The following GYG2 variants were observed in gnomAD, a reference collection of about 807,000 sequenced individuals.
The protein encoded by GYG2 is glycogenin-2.
GYG2 carries 29 observed loss-of-function variants against 29.4 expected under a neutral mutation model. The ratio of observed to expected loss-of-function variants is 0.99; its 90% confidence interval spans 0.74 to 1.35. The LOEUF (loss-of-function observed/expected upper bound fraction) is 1.35, where lower values mean the gene tolerates loss of function less well. Among genes scored for constraint, GYG2 ranks in the 40% most tolerant of loss-of-function variants. The pLI, the probability that GYG2 is intolerant of heterozygous loss-of-function variation, is 0.00. For missense variants in GYG2, 370 were observed against 385.7 expected (o/e 0.96, Z 0.34); for synonymous variants, 167 against 172.3 (o/e 0.97, Z 0.24).
chrX:2,879,426 C>T (rs1172140514), intron 10 of GYG2, among the ~76,000 whole-genome samples: 2 of 110,452 alleles, frequency 1.8e-5, no homozygotes, highest in African/African-American at 3.3e-5. Context: ...CACGACCAAG[C>T]CCGGCTAATT....
intron 3 of GYG2, among the ~76,000 whole-genome samples, chrX:2,847,622 T>C (rs908896706): frequency 9.3e-5 from 10 of 107,348 alleles, no homozygotes; most frequent in African/African-American, 2.7e-4. Context: ...GGAGAATCAC[T>C]TGAGCTCGGG....
At chrX:2,839,714 T>C (rs1357049529) in intron 2 of GYG2, among the ~76,000 whole-genome samples, 1 of 111,596 alleles carries the variant, frequency 9.0e-6, no homozygotes, top group Non-Finnish European at 1.9e-5. Flanking sequence ...TGTGCAACAT[T>C]GTGATGAATT....
chrX:2,860,996 C>T (rs2088150476), intron 7 of GYG2, among the ~76,000 whole-genome samples: 1 of 109,177 alleles, frequency 9.2e-6, no homozygotes, highest in East Asian at 2.9e-4. Context: ...TCCCAAAGTG[C>T]TGGGATTACA....
At chrX:2,851,865 G>A (rs773115402) in intron 3 of GYG2, among the ~76,000 whole-genome samples, 40 of 112,243 alleles carry the variant, frequency 3.6e-4, no homozygotes, top group African/African-American at 1.2e-3. Flanking sequence ...TTGCCTAATC[G>A]TGGTTTTCTA....
At chrX:2,880,439 T>C (rs12388511) in intron 10 of GYG2, among the ~76,000 whole-genome samples, 27,019 of 103,644 alleles carry the variant, frequency 0.26, 2,450 homozygotes, top group Non-Finnish European at 0.29. Context: ...TGTGTGTGTG[T>C]GCACATGCGC....
chrX:2,845,836 TA>T (rs979614975), intron 3 of GYG2, among the ~76,000 whole-genome samples: 1 of 102,130 alleles, frequency 9.8e-6, no homozygotes, highest in African/African-American at 3.5e-5. Context: ...TATATACATA[TA>T]AAATATATAT....
chrX:2,847,076 T>A (rs2087752447), intron 3 of GYG2, among the ~76,000 whole-genome samples: 1 of 112,081 alleles, frequency 8.9e-6, no homozygotes. Flanking sequence ...TCATGATGAA[T>A]TAATTTCCCT....
At chrX:2,866,842 AAAAG>A (rs2088308996) in intron 8 of GYG2, among the ~76,000 whole-genome samples, 1 of 110,831 alleles carries the variant, frequency 9.0e-6, no homozygotes, top group Admixed American at 9.6e-5. Flanking sequence ...TTTTTTAAAA[AAAAG>A]TATGTTCAAC....
Position 2,843,120 on chromosome X carries a change from T to G in GYG2, c.8-93T>G, listed in dbSNP as rs779424473. On this transcript the variant is annotated intron_variant, in intron 2 of 10. Transcript: ENST00000398806. Reference sequence around the variant, plus strand: ...GAACCATCACGTCTGGCCCAAGCCATGAATCTTGGGAGAGGAGAGGAGGTG... The same window carrying G: ...GAACCATCACGTCTGGCCCAAGCCAGGAATCTTGGGAGAGGAGAGGAGGTG... The G allele has an allele frequency of 9.2e-6, 7 of 757,576 alleles. No individual in the cohort carries two copies. In the African/African-American group the frequency reaches 1.0e-4, roughly 11 times the overall value. The allele number at this position is 757,576 out of a possible 1,213,427, so 62.4% of individuals were successfully genotyped here. A position where few individuals can be genotyped will look rare whatever the true frequency, so the allele number is the denominator to read the frequency against.
Position 2,877,207 on chromosome X carries a change from C to A in GYG2, c.1151C>A (p.Ala384Glu). 8.3e-7 allele frequency: 1 copy of A among 1,207,139 alleles called. No individual in the cohort carries two copies. The highest frequency in any genetic ancestry group is 1.1e-6 in the Non-Finnish European group (1 of 891,725). The change falls in exon 10 of 11, where the codon GCA becomes GAA. Residue 384 changes from alanine to glutamate, a missense_variant. By Grantham distance (107) the Ala-to-Glu change is moderately radical. Coordinates refer to ENST00000398806, the MANE Select transcript of GYG2 (RefSeq NM_001079855.2). ...FTETETILQPANKVESVSSEE... is the reference protein window; with the variant it reads ...FTETETILQPENKVESVSSEE... The stretch of plus-strand genomic sequence containing the variant: ...GGAATGGTTATGTTTTAGCAGCCAG[C>A]AAATAAAGTCGAAAGTGTCTCATCC...
chrX:2,829,978 A>T (rs947032210), intron 1 of GYG2, 83 bp from the exon 2 acceptor site: 17 of 423,274 alleles, frequency 4.0e-5, no homozygotes, highest in Non-Finnish European at 6.2e-5. Context: ...GGCGCAGGTG[A>T]CATGGAGTGG....
intron 8 of GYG2, among the ~76,000 whole-genome samples, chrX:2,870,356 T>C (rs1000069061): frequency 3.6e-5 from 4 of 110,447 alleles, no homozygotes; most frequent in Admixed American, 9.7e-5. Context: ...CATCCGCCAC[T>C]ACACCTGGCT....
At chrX:2,874,848 A>G (rs1032201917) in intron 8 of GYG2, among the ~76,000 whole-genome samples, 1 of 112,136 alleles carries the variant, frequency 8.9e-6, no homozygotes, top group Non-Finnish European at 1.9e-5. Context: ...TTGAAGGATT[A>G]CAATTCTCTG....
At chrX:2,853,939 A>G in intron 3 of GYG2, 41 bp from the exon 4 acceptor site, 1 of 1,032,649 alleles carries the variant, frequency 9.7e-7, no homozygotes, top group Non-Finnish European at 1.4e-6. Context: ...TGTGCTGAAT[A>G]TTCACCCGCT....
At chrX:2,836,618 G>A (rs2087376694) in intron 2 of GYG2, among the ~76,000 whole-genome samples, 1 of 104,066 alleles carries the variant, frequency 9.6e-6, no homozygotes, top group Non-Finnish European at 2.0e-5. Context: ...GCTTCAGTGA[G>A]CTGTGATGCT....
intron 8 of GYG2, among the ~76,000 whole-genome samples, chrX:2,875,219 C>A (rs1254084314): frequency 8.9e-6 from 1 of 111,757 alleles, no homozygotes; most frequent in African/African-American, 3.2e-5. Flanking sequence ...CCTTCTAGGG[C>A]AGCTCTTCTC....
intron 10 of GYG2, among the ~76,000 whole-genome samples, chrX:2,880,731 G>A (rs2088702249): frequency 9.1e-6 from 1 of 110,449 alleles, no homozygotes; most frequent in Middle Eastern, 4.2e-3. Context: ...AACATAATGA[G>A]ACCCCATCTG....
intron 2 of GYG2, among the ~76,000 whole-genome samples, chrX:2,842,812 C>T (rs1447621385): frequency 1.2e-5 from 1 of 86,404 alleles, no homozygotes; most frequent in East Asian, 3.8e-4. Context: ...CACTGCAAGT[C>T]GTGATTTTTT....
chrX:2,839,708 C>T (rs188556889), intron 2 of GYG2, among the ~76,000 whole-genome samples: 1 of 111,210 alleles, frequency 9.0e-6, no homozygotes, highest in African/African-American at 3.3e-5. Context: ...GGTGGATGTG[C>T]AACATTGTGA....
Sources: gnomAD v4.1 joint callset for allele counts (sites outside exome capture counted in the v4.1 genomes callset) on GRCh38, gnomAD v4.1.1 for gene constraint, MANE v1.5 for transcripts, NCBI Gene and HGNC (gene_info 2026-07-23, HGNC 2026-07-21) for gene names.